Variants in SGSM2 observed in about 807,000 individuals in gnomAD.
SGSM2 encodes the protein RUN and TBC1 domain containing 1.
In SGSM2, 89 loss-of-function variants were observed where a neutral mutation model predicts 126.6. The ratio of observed to expected loss-of-function variants is 0.70; its 90% CI spans 0.59 to 0.84. SGSM2 has a LOEUF of 0.84. Among genes scored for constraint, SGSM2 ranks in the 40% least tolerant of loss-of-function variants. The pLI, the probability that SGSM2 is intolerant of heterozygous loss-of-function variation, is 0.00. For missense variants in SGSM2, 1,404 were observed against 1,416.6 expected, an observed-to-expected ratio of 0.99 and a Z score of 0.14; for synonymous variants, 614 against 574.3, an observed-to-expected ratio of 1.07 and a Z score of -0.99.
In SGSM2 at chr17:2,376,197, T is replaced by C; in HGVS notation, c.2545T>C (p.Cys849Arg). 1 of 1,613,950 alleles carries C rather than the reference T, an allele frequency of 6.2e-7. No homozygotes were observed. The highest frequency in any genetic ancestry group is 8.5e-7 in the Non-Finnish European group (1 of 1,179,980). ...CCGCATAGACAAGGATGTGCAGAGG[T>C]GTGACCGCAACTACTGGTACTTCAC... The part of the protein sequence containing the change: ...LHRIDKDVQR[C>R]DRNYWYFTPP... The change falls in exon 19 of 24, where the codon TGT (cysteine) becomes CGT (arginine). Residue 849 changes from cysteine (C) to arginine (R), a missense_variant. Transcript: ENST00000268989.
chr17:2,376,704 G>C (rs2066176288), intron 19 of SGSM2, 29 bp from the exon 20 acceptor site: 1 of 1,611,800 alleles, frequency 6.2e-7, no homozygotes, highest in South Asian at 1.1e-5. Flanking sequence ...ATGGGGCACA[G>C]CCACAGTGAC....
At chr17:2,347,530 A>G (rs759608457) in intron 2 of SGSM2, among the ~76,000 whole-genome samples, 32 of 149,714 alleles carry the variant, frequency 2.1e-4, no homozygotes, top group Non-Finnish European at 3.5e-4. Context: ...TTTCTCTATC[A>G]TATGGTTTTT....
intron 17 of SGSM2, chr17:2,375,222 C>G: frequency 5.4e-6 from 2 of 371,502 alleles, no homozygotes; most frequent in East Asian, 9.0e-5. Context: ...GGCTCCCCTA[C>G]TTCCCTTCAG....
At chr17:2,345,051 G>A (rs1449152718) in intron 2 of SGSM2, among the ~76,000 whole-genome samples, 1 of 152,058 alleles carries the variant, frequency 6.6e-6, no homozygotes, top group East Asian at 1.9e-4. Flanking sequence ...CTTTGAGATG[G>A]TGGAATAATG....
intron 17 of SGSM2, 66 bp downstream of exon 17, chr17:2,373,579 C>A: frequency 2.1e-6 from 3 of 1,420,266 alleles, no homozygotes; most frequent in Non-Finnish European, 2.9e-6. Flanking sequence ...GCACAGTGGT[C>A]CTGAGCACCA....
At position 2,379,815 on chromosome 17, in the gene SGSM2, C is replaced by T. The variant is rs2066338274; in HGVS notation, c.*295C>T. On this transcript the variant is annotated 3_prime_UTR_variant, in exon 24 of 24. Transcript: ENST00000268989. ...CATCTGGGAGTAGCCCCACTGCCACCTGCAGCCGCAGCCTGGACTGCTGCC... is the reference window on the plus strand; with the variant it reads ...CATCTGGGAGTAGCCCCACTGCCACTTGCAGCCGCAGCCTGGACTGCTGCC... 1 of 1,328,858 alleles carries T rather than the reference C, an allele frequency of 7.5e-7. No individual in the cohort carries two copies. The highest frequency in any genetic ancestry group is 9.7e-7 in the Non-Finnish European group (1 of 1,035,136). The allele number at this position is 1,328,858 out of a possible 1,614,324, so 82.3% of individuals were successfully genotyped here.
At chr17:2,368,938 T>C (rs1297360666) in intron 12 of SGSM2, among the ~76,000 whole-genome samples, 2 of 152,164 alleles carry the variant, frequency 1.3e-5, no homozygotes, top group Non-Finnish European at 2.9e-5. Context: ...ATAAAAAGCC[T>C]ATCCCTGACT....
At chr17:2,340,641 G>A (rs894379512) in intron 1 of SGSM2, among the ~76,000 whole-genome samples, 4 of 149,842 alleles carry the variant, frequency 2.7e-5, no homozygotes, top group Admixed American at 1.3e-4. Flanking sequence ...CTGGAGTGCC[G>A]TGGCGCCATC....
chr17:2,358,878 T>G (rs1388012105), intron 2 of SGSM2, among the ~76,000 whole-genome samples: 10 of 145,310 alleles, frequency 6.9e-5, no homozygotes, highest in African/African-American at 7.9e-5. Flanking sequence ...TTGTTGTTTT[T>G]TTTTTTTTTT....
chr17:2,360,437 C>G (rs189018957), intron 2 of SGSM2, among the ~76,000 whole-genome samples: 10 of 152,358 alleles, frequency 6.6e-5, no homozygotes, highest in African/African-American at 2.2e-4. Flanking sequence ...CCAGTGCACC[C>G]TCTTCCTGTC....
At chr17:2,340,739 C>T (rs1597297116) in intron 1 of SGSM2, among the ~76,000 whole-genome samples, 1 of 152,056 alleles carries the variant, frequency 6.6e-6, no homozygotes, top group Non-Finnish European at 1.5e-5. Flanking sequence ...CGCCTGCCAC[C>T]ACGCCCGGCT....
chr17:2,354,034 A>C (rs2064988208), intron 2 of SGSM2, among the ~76,000 whole-genome samples: 3 of 152,102 alleles, frequency 2.0e-5, no homozygotes, highest in Admixed American at 2.0e-4. Context: ...CCACCTCCTG[A>C]GTAGCTAGAA....
intron 1 of SGSM2, among the ~76,000 whole-genome samples, chr17:2,339,586 C>T (rs374176051): frequency 3.3e-5 from 5 of 150,136 alleles, no homozygotes; most frequent in African/African-American, 4.9e-5. Context: ...TGGTGGCGGG[C>T]GAATGTAGTC....
At chr17:2,350,033 C>T (rs1334190215) in intron 2 of SGSM2, among the ~76,000 whole-genome samples, 2 of 151,902 alleles carry the variant, frequency 1.3e-5, no homozygotes, top group African/African-American at 4.8e-5. Flanking sequence ...GTGATCCGCC[C>T]ACCTCGGCCT....
intron 2 of SGSM2, among the ~76,000 whole-genome samples, chr17:2,359,981 C>T (rs1208750646): frequency 6.6e-6 from 1 of 152,148 alleles, no homozygotes; most frequent in African/African-American, 2.4e-5. Context: ...ATCCCAGGGC[C>T]ACACAAGACC....
At chr17:2,348,518 C>T (rs2064703251) in intron 2 of SGSM2, among the ~76,000 whole-genome samples, 1 of 152,130 alleles carries the variant, frequency 6.6e-6, no homozygotes, top group Non-Finnish European at 1.5e-5. Context: ...GGAGCTGACT[C>T]CCCTCACTCT....
chr17:2,376,241 GC>G lies in SGSM2; in HGVS notation c.2590del (p.Leu864SerfsTer46). The G allele has an allele frequency of 6.2e-7, 1 of 1,613,828 alleles. No individual in the cohort carries two copies. The highest frequency in any genetic ancestry group is 8.5e-7 in the Non-Finnish European group (1 of 1,180,012). On this transcript the variant is annotated frameshift_variant, in exon 19 of 24. Coordinates refer to ENST00000268989, the MANE Select transcript of SGSM2 (RefSeq NM_014853.3). LOFTEE classifies it high-confidence loss of function. ...WYFTPPNLER[L>X]RDVMCSYVWE... Reference sequence around the variant, plus strand: ...ACTTCACGCCCCCCAACCTCGAGAGGCTCAGAGACGTCATGTGCAGGTGCCT... The same window carrying G: ...ACTTCACGCCCCCCAACCTCGAGAGGTCAGAGACGTCATGTGCAGGTGCCT...
chr17:2,340,928 A>G (rs1366893586), intron 1 of SGSM2, among the ~76,000 whole-genome samples: 1 of 152,156 alleles, frequency 6.6e-6, no homozygotes, highest in African/African-American at 2.4e-5. Context: ...TCTGCAAGGA[A>G]AAACAACAGG....
chr17:2,349,788 G>GATTTTTT (rs138851417), intron 2 of SGSM2, among the ~76,000 whole-genome samples: 1 of 147,516 alleles, frequency 6.8e-6, no homozygotes. Context: ...CTAGTGAAAT[G>GATTTTTT]TTTTGTTTTT....
Sources: allele counts gnomAD v4.1 joint callset (sites outside exome capture counted in the v4.1 genomes callset), GRCh38; gene constraint gnomAD v4.1.1; transcripts MANE v1.5; gene names NCBI Gene and HGNC (gene_info 2026-07-23, HGNC 2026-07-21).